The following DAB1 variants were observed in gnomAD, a reference collection of about 807,000 sequenced individuals.
The protein encoded by DAB1 is disabled homolog 1.
Under a neutral mutation model 64.6 loss-of-function variants are expected in DAB1, and 15 were observed. The observed-to-expected ratio is 0.23, with a 90% CI of 0.16 to 0.36. DAB1 has a LOEUF of 0.36. Among genes scored for constraint, DAB1 ranks in the 10% least tolerant of loss-of-function variants. The pLI, the probability that DAB1 is intolerant of heterozygous loss-of-function variation, is 1.00. For missense variants in DAB1, 596 were observed against 706.7 expected (o/e 0.84, Z 1.78); for synonymous variants, 235 against 251.9 (o/e 0.93, Z 0.64).
chr1:58,468,219 A>G (rs822064), intron 3 of DAB1: 83,703 of 152,208 alleles, frequency 0.55, 23,484 homozygotes, highest in Non-Finnish European at 0.61. Context: ...CACCGCACCC[A>G]GCCCTTAGTG....
At chr1:57,813,544 C>T (rs1031439966) in intron 6 of DAB1, among the ~76,000 whole-genome samples, 7 of 152,196 alleles carry the variant, frequency 4.6e-5, no homozygotes, top group African/African-American at 7.2e-5. Context: ...GCGGTAAGTG[C>T]TTTCATTGCG....
At chr1:57,416,503 C>T (rs1047522022) in intron 1 of DAB1, among the ~76,000 whole-genome samples, 19 of 151,966 alleles carry the variant, frequency 1.3e-4, no homozygotes, top group African/African-American at 3.9e-4. Flanking sequence ...TCTAGTGAAT[C>T]GACTGTTTTA....
At chr1:57,328,768 T>A (rs561559489) in intron 1 of DAB1, among the ~76,000 whole-genome samples, 1 of 152,312 alleles carries the variant, frequency 6.6e-6, no homozygotes, top group African/African-American at 2.4e-5. Flanking sequence ...TGTTTCTCAC[T>A]GACTTAAAAT....
intron 2 of DAB1, among the ~76,000 whole-genome samples, chr1:57,251,216 T>C (rs1176106917): frequency 6.6e-6 from 1 of 152,220 alleles, no homozygotes; most frequent in Non-Finnish European, 1.5e-5. Context: ...AATGGTTAAC[T>C]GTCTGTGTAA....
At chr1:58,233,439 A>G (rs1298452212) in intron 4 of DAB1, among the ~76,000 whole-genome samples, 1 of 152,134 alleles carries the variant, frequency 6.6e-6, no homozygotes, top group African/African-American at 2.4e-5. Context: ...TCCGATCACC[A>G]TATGGAGCCC....
chr1:58,160,138 A>T (rs980186590), intron 4 of DAB1, among the ~76,000 whole-genome samples: 1 of 152,168 alleles, frequency 6.6e-6, no homozygotes, highest in Non-Finnish European at 1.5e-5. Flanking sequence ...TTGAGGTAGA[A>T]TCAGGGTCAC....
intron 3 of DAB1, among the ~76,000 whole-genome samples, chr1:58,457,132 C>T (rs1003138612): frequency 6.6e-6 from 1 of 152,096 alleles, no homozygotes. Context: ...AGTAGAAAAT[C>T]GAGGTCTCAG....
intron 5 of DAB1, among the ~76,000 whole-genome samples, chr1:57,931,516 C>T (rs1644952968): frequency 6.6e-6 from 1 of 152,146 alleles, no homozygotes; most frequent in African/African-American, 2.4e-5. Context: ...ATTGTTGATT[C>T]AATTTCTTTA....
At chr1:58,188,521 A>G (rs1657213640) in intron 4 of DAB1, among the ~76,000 whole-genome samples, 1 of 152,192 alleles carries the variant, frequency 6.6e-6, no homozygotes, top group South Asian at 2.1e-4. Flanking sequence ...TGGAAGCTAA[A>G]TCGTATAACC....
At position 58,351,825 on chromosome 1, in the gene DAB1, G is replaced by A. The variant is rs146099058; in HGVS notation, n.258-8422C>T. ...ATGGGGGAGAGGGGTGTGGAGAGGA[G>A]GCAGCTGTTGAGACCCTTAAGAAGC... On this transcript the variant is annotated intron_variant and non_coding_transcript_variant, in intron 3 of 20. Coordinates refer to the DAB1 transcript ENST00000485760. Among the ~76,000 whole-genome samples, 970 of 147,542 alleles carry A rather than the reference G, an allele frequency of 6.6e-3. 10 individuals carry two copies. The highest frequency in any genetic ancestry group is 0.023 in the African/African-American group (932 of 39,722).
At chr1:58,214,492 A>G (rs1370689546) in intron 4 of DAB1, among the ~76,000 whole-genome samples, 1 of 152,192 alleles carries the variant, frequency 6.6e-6, no homozygotes, top group East Asian at 1.9e-4. Flanking sequence ...AAAAGCCAAA[A>G]GAAAGTAAGA....
At chr1:58,373,683 G>C (rs1324974749) in intron 3 of DAB1, among the ~76,000 whole-genome samples, 2 of 151,956 alleles carry the variant, frequency 1.3e-5, no homozygotes, top group African/African-American at 4.8e-5. Context: ...TAGTCATTTG[G>C]GTATATACCC....
chr1:57,531,101 A>T (rs930984823), intron 7 of DAB1, among the ~76,000 whole-genome samples: 2 of 152,198 alleles, frequency 1.3e-5, no homozygotes, highest in Admixed American at 6.5e-5. Context: ...TGTGACCTGC[A>T]TGACTACATC....
intron 4 of DAB1, among the ~76,000 whole-genome samples, chr1:58,166,204 T>C (rs933764327): frequency 2.0e-5 from 3 of 152,220 alleles, no homozygotes; most frequent in Non-Finnish European, 2.9e-5. Flanking sequence ...TGGTTTTAAG[T>C]GTACAATTCC....
chr1:57,041,567 T>C (rs997650481), intron 9 of DAB1, among the ~76,000 whole-genome samples: 3 of 152,212 alleles, frequency 2.0e-5, no homozygotes, highest in African/African-American at 7.2e-5. Flanking sequence ...TCGATTACTA[T>C]CCTTGAATTT....
At chr1:57,659,088 T>C (rs1646353401) in intron 6 of DAB1, among the ~76,000 whole-genome samples, 1 of 152,144 alleles carries the variant, frequency 6.6e-6, no homozygotes, top group Non-Finnish European at 1.5e-5. Flanking sequence ...CCCCATGACC[T>C]GATATCTTTG....
At chr1:57,852,795 T>C (rs925182771) in intron 1 of DAB1, among the ~76,000 whole-genome samples, 57 of 152,244 alleles carry the variant, frequency 3.7e-4, no homozygotes, top group Non-Finnish European at 4.7e-4. Flanking sequence ...CTTACACTTA[T>C]TATTTATTTT....
At position 58,360,795 on chromosome 1, in the gene DAB1, T is replaced by C. The variant is rs569421802; in HGVS notation, n.258-17392A>G. Reference sequence around the variant, plus strand: ...CTTATTTTTTGATATAAAAATAATATATATTCCTTATAGAGTATTTGGAAT... The same window carrying C: ...CTTATTTTTTGATATAAAAATAATACATATTCCTTATAGAGTATTTGGAAT... On this transcript the variant is annotated intron_variant and non_coding_transcript_variant, in intron 3 of 20. Transcript: ENST00000485760. 5.3e-5 allele frequency among the ~76,000 whole-genome samples: 8 copies of C among 152,292 alleles called. No homozygotes were observed. The South Asian group carries it at 1.5e-3, about 28-fold the overall frequency.
chr1:58,372,140 C>T (rs927074436), intron 3 of DAB1, among the ~76,000 whole-genome samples: 1 of 152,220 alleles, frequency 6.6e-6, no homozygotes, highest in African/African-American at 2.4e-5. Context: ...ACCACAGGCA[C>T]CCAACGCCAG....
Sources: gnomAD v4.1 joint callset for allele counts (sites outside exome capture counted in the v4.1 genomes callset) on GRCh38, gnomAD v4.1.1 for gene constraint, MANE v1.5 for transcripts, NCBI Gene and HGNC (gene_info 2026-07-23, HGNC 2026-07-21) for gene names.